The following OPCML variants were observed in gnomAD, a reference collection of about 807,000 sequenced individuals.
OPCML encodes opioid-binding protein/cell adhesion molecule.
OPCML carries 13 observed loss-of-function variants against 37.8 expected under a neutral mutation model. The ratio of observed to expected loss-of-function variants is 0.34; its 90% CI spans 0.22 to 0.55. The LOEUF is 0.55. OPCML is among the 20% of genes least tolerant of loss of function. The pLI, the probability that OPCML is intolerant of heterozygous loss-of-function variation, is 0.91. For synonymous variants in OPCML, 176 were observed against 168.8 expected, an observed-to-expected ratio of 1.04 and a Z score of -0.33; for missense variants, 341 against 435.6, an observed-to-expected ratio of 0.78 and a Z score of 1.93.
chr11:133,018,745 C>T (rs993077213), intron 1 of OPCML, among the ~76,000 whole-genome samples: 13 of 152,232 alleles, frequency 8.5e-5, no homozygotes, highest in African/African-American at 3.1e-4. Context: ...CAAGAATGTG[C>T]CGGGGCACAC....
At chr11:132,954,051 T>C (rs959092178) in intron 1 of OPCML, among the ~76,000 whole-genome samples, 19 of 152,224 alleles carry the variant, frequency 1.2e-4, no homozygotes, top group African/African-American at 4.6e-4. Context: ...ATATCTCTCT[T>C]GCCAAACTTT....
At chr11:132,963,396 C>T (rs1946135832) in intron 1 of OPCML, among the ~76,000 whole-genome samples, 1 of 151,912 alleles carries the variant, frequency 6.6e-6, no homozygotes, top group African/African-American at 2.4e-5. Context: ...CTAAGACCAG[C>T]CTGGCCAATA....
chr11:132,837,270 G>A (rs925730521), intron 2 of OPCML, among the ~76,000 whole-genome samples: 9 of 152,044 alleles, frequency 5.9e-5, no homozygotes, highest in Admixed American at 2.0e-4. Flanking sequence ...CCGAGATCGC[G>A]CCATTGCACT....
intron 1 of OPCML, among the ~76,000 whole-genome samples, chr11:133,266,776 T>C (rs1941671569): frequency 6.6e-6 from 1 of 152,188 alleles, no homozygotes; most frequent in South Asian, 2.1e-4. Context: ...AGCTTTAACA[T>C]TCCAAGCCAG....
chr11:132,538,775 A>C (rs180777706), intron 3 of OPCML, among the ~76,000 whole-genome samples: 191 of 152,256 alleles, frequency 1.3e-3, no homozygotes, highest in African/African-American at 4.3e-3. Flanking sequence ...TTTTCTTTCC[A>C]AGACAACTCG....
intron 2 of OPCML, among the ~76,000 whole-genome samples, chr11:132,674,088 A>T (rs1181041852): frequency 6.6e-6 from 1 of 152,190 alleles, no homozygotes; most frequent in Non-Finnish European, 1.5e-5. Context: ...AGCTCTGACA[A>T]AGCTAGCTAA....
At chr11:133,312,875 T>A (rs1243687245) in intron 1 of OPCML, among the ~76,000 whole-genome samples, 1 of 152,234 alleles carries the variant, frequency 6.6e-6, no homozygotes, top group Admixed American at 6.5e-5. Flanking sequence ...AAAAAAAATC[T>A]CATAGATTTA....
rs1277320587 is a variant in OPCML, at chr11:132,420,398, C to T, written c.917-105G>A. ...TACATGCTTCCCACCTTCCACCCTTCCGCTGACCATTCCAAGTCTAAACAA... is the reference window on the plus strand; with the variant it reads ...TACATGCTTCCCACCTTCCACCCTTTCGCTGACCATTCCAAGTCTAAACAA... On this transcript the variant is annotated intron_variant, in intron 7 of 7. Transcript: ENST00000524381. 3 of 1,481,870 alleles carry T rather than the reference C, an allele frequency of 2.0e-6. No individual in the cohort carries two copies. The East Asian group carries it at 7.4e-5, about 37-fold the overall frequency. The allele number at this position is 1,481,870 out of a possible 1,614,324, so 91.8% of individuals were successfully genotyped here. A position where few individuals can be genotyped will look rare whatever the true frequency, so the allele number is the denominator to read the frequency against.
At chr11:133,479,529 G>A (rs76905021) in intron 1 of OPCML, among the ~76,000 whole-genome samples, 19 of 152,274 alleles carry the variant, frequency 1.2e-4, no homozygotes, top group African/African-American at 2.4e-4. Flanking sequence ...AAGAGCCCTC[G>A]CAGAACAGAC....
At chr11:133,137,789 C>T (rs1949713313) in intron 1 of OPCML, among the ~76,000 whole-genome samples, 1 of 152,182 alleles carries the variant, frequency 6.6e-6, no homozygotes, top group African/African-American at 2.4e-5. Context: ...AGAAGTTTCA[C>T]ACTTTAGCAG....
intron 4 of OPCML, among the ~76,000 whole-genome samples, chr11:132,523,431 CTCAGAGAAGG>C (rs1298369302): frequency 1.5e-5 from 2 of 131,548 alleles, no homozygotes; most frequent in Non-Finnish European, 3.7e-5. Context: ...ATGCCCTATA[CTCAGAGAAGG>C]CCCTTTCCCA....
At chr11:132,790,426 G>C (rs1178123101) in intron 2 of OPCML, among the ~76,000 whole-genome samples, 1 of 152,172 alleles carries the variant, frequency 6.6e-6, no homozygotes, top group Non-Finnish European at 1.5e-5. Flanking sequence ...ACTCTCATTT[G>C]GTCATCAGGT....
intron 1 of OPCML, among the ~76,000 whole-genome samples, chr11:133,042,485 A>G (rs1591943672): frequency 1.3e-5 from 2 of 152,320 alleles, no homozygotes; most frequent in East Asian, 3.9e-4. Flanking sequence ...CAAACGGTGC[A>G]GTAGGGAATG....
chr11:132,593,057 G>T (rs1275157255), intron 3 of OPCML, among the ~76,000 whole-genome samples: 1 of 152,200 alleles, frequency 6.6e-6, no homozygotes, highest in Non-Finnish European at 1.5e-5. Flanking sequence ...CAGTGATGGG[G>T]TAATTAAGAA....
At chr11:133,196,170 T>TC (rs1938529752) in intron 1 of OPCML, among the ~76,000 whole-genome samples, 1 of 152,234 alleles carries the variant, frequency 6.6e-6, no homozygotes, top group Non-Finnish European at 1.5e-5. Flanking sequence ...AACTAATTCT[T>TC]CTTAATGACT....
chr11:132,922,360 C>T (rs1363715044), intron 2 of OPCML, among the ~76,000 whole-genome samples: 1 of 152,094 alleles, frequency 6.6e-6, no homozygotes, highest in Non-Finnish European at 1.5e-5. Context: ...CAGAGAAATA[C>T]TGGACAATCT....
intron 1 of OPCML, among the ~76,000 whole-genome samples, chr11:133,329,798 A>T (rs1200199976): frequency 3.9e-5 from 6 of 152,216 alleles, no homozygotes; most frequent in Non-Finnish European, 7.3e-5. Flanking sequence ...CATGTCTAAA[A>T]CACCAAAAGC....
intron 2 of OPCML, among the ~76,000 whole-genome samples, chr11:132,709,167 C>A (rs1944159401): frequency 6.6e-6 from 1 of 152,214 alleles, no homozygotes; most frequent in African/African-American, 2.4e-5. Flanking sequence ...ATTTGTGGAA[C>A]ACCTTTCACT....
At chr11:133,287,616 A>T (rs1237424204) in intron 1 of OPCML, among the ~76,000 whole-genome samples, 1 of 151,936 alleles carries the variant, frequency 6.6e-6, no homozygotes, top group East Asian at 1.9e-4. Flanking sequence ...TAGAGGAGGC[A>T]TGGAGAATGG....
Sources: gnomAD v4.1 joint callset for allele counts (sites outside exome capture counted in the v4.1 genomes callset) on GRCh38, gnomAD v4.1.1 for gene constraint, MANE v1.5 for transcripts, NCBI Gene and HGNC (gene_info 2026-07-23, HGNC 2026-07-21) for gene names.